Variants in NR5A2 observed in about 807,000 individuals in gnomAD.
The protein encoded by NR5A2 is CYP7A promoter-binding factor.
In NR5A2, 26 loss-of-function variants were observed where a neutral mutation model predicts 62.7. The observed-to-expected ratio is 0.41, with a 90% CI of 0.30 to 0.58. NR5A2 has a LOEUF of 0.58. Among genes scored for constraint, NR5A2 ranks in the 20% least tolerant of loss-of-function variants. The probability of loss-of-function intolerance (pLI) is 0.22; values close to 1 mark genes in which losing one functional copy is unlikely to be tolerated. For synonymous variants in NR5A2, 246 were observed against 241.7 expected (o/e 1.02, Z -0.16); for missense variants, 541 against 669.1 (o/e 0.81, Z 2.11).
intron 7 of NR5A2, among the ~76,000 whole-genome samples, chr1:200,126,024 T>G (rs1666684849): frequency 6.6e-6 from 1 of 152,090 alleles, no homozygotes; most frequent in African/African-American, 2.4e-5. Context: ...TTTTTTAATT[T>G]TTTTATAGAG....
At chr1:200,170,503 A>T (rs1349836276) in intron 7 of NR5A2, among the ~76,000 whole-genome samples, 1 of 152,204 alleles carries the variant, frequency 6.6e-6, no homozygotes, top group Non-Finnish European at 1.5e-5. Context: ...TGAAAATTCC[A>T]GGTCTTCTGG....
chr1:200,174,918 T>C lies in NR5A2; in HGVS notation c.*708T>C, dbSNP rs373827638. 6.5e-6 allele frequency: 1 copy of C among 152,678 alleles called. No homozygotes were observed. Among genetic ancestry groups the C allele is most frequent in the Non-Finnish European group, 1.5e-5 (1 of 68,046 alleles). The allele number at this position is 152,678 out of a possible 1,614,324, so 9.5% of individuals were successfully genotyped here. On this transcript the variant is annotated 3_prime_UTR_variant, in exon 8 of 8. Transcript: ENST00000367362. Reference sequence around the variant, plus strand: ...GGGTTGTTTTGTCTCGTGTTCATGATGTTAAGAAAATGCAGGCAGTATCCC... The same window carrying C: ...GGGTTGTTTTGTCTCGTGTTCATGACGTTAAGAAAATGCAGGCAGTATCCC...
chr1:200,167,208 C>T (rs1653942453), intron 7 of NR5A2, among the ~76,000 whole-genome samples: 1 of 152,116 alleles, frequency 6.6e-6, no homozygotes, highest in African/African-American at 2.4e-5. Context: ...CATCTTCACC[C>T]AATATTCCAT....
chr1:200,054,299 CTT>C (rs1662808703), intron 5 of NR5A2: 2 of 151,842 alleles, frequency 1.3e-5, no homozygotes, highest in Non-Finnish European at 1.5e-5. Flanking sequence ...TAATTCGAGA[CTT>C]TTGTATTCTG....
intron 6 of NR5A2, among the ~76,000 whole-genome samples, chr1:200,116,116 A>C (rs570986308): frequency 3.8e-4 from 58 of 152,296 alleles, no homozygotes; most frequent in Non-Finnish European, 6.5e-4. Flanking sequence ...AGGAATATTA[A>C]ATATGCCTCA....
At chr1:200,171,298 T>C (rs2816935) in intron 7 of NR5A2, among the ~76,000 whole-genome samples, 60,143 of 151,752 alleles carry the variant, frequency 0.4, 12,004 homozygotes, top group South Asian at 0.48. Context: ...GATAATTAAC[T>C]CAGGCATGTG....
chr1:200,032,949 G>A (rs1033530388), intron 1 of NR5A2, among the ~76,000 whole-genome samples: 9 of 152,148 alleles, frequency 5.9e-5, no homozygotes, highest in African/African-American at 1.9e-4. Context: ...TGGACATTTC[G>A]AGCTTAAGAA....
intron 1 of NR5A2, among the ~76,000 whole-genome samples, chr1:200,036,716 G>T (rs1269196068): frequency 2.0e-5 from 3 of 152,114 alleles, no homozygotes; most frequent in South Asian, 2.1e-4. Context: ...GTTTCCCATC[G>T]TCGAGTTAAA....
chr1:200,174,039 A>G lies in NR5A2; in HGVS notation c.1455A>G (p.Thr485=). Reference sequence around the variant, plus strand: ...TCAATGCCGCCCTGCTGGACTACACAATGTGTAACTACCCGCAGCAGACAG... The same window carrying G: ...TCAATGCCGCCCTGCTGGACTACACGATGTGTAACTACCCGCAGCAGACAG... ...EQVNAALLDY[T]MCNYPQQTEK... is the part of the protein sequence containing the mutation. Residue 485 remains threonine, a synonymous_variant, in exon 8 of 8, where the codon ACA becomes ACG. Transcript: ENST00000367362. The G allele has an allele frequency of 6.2e-7, 1 of 1,612,610 alleles. No individual in the cohort carries two copies. The highest frequency in any genetic ancestry group is 8.5e-7 in the Non-Finnish European group (1 of 1,179,580).
chr1:200,065,864 T>C (rs1230929522), intron 5 of NR5A2, among the ~76,000 whole-genome samples: 3 of 152,076 alleles, frequency 2.0e-5, no homozygotes, highest in African/African-American at 4.8e-5. Flanking sequence ...GAATAGCATA[T>C]GCAAAAATCC....
chr1:200,059,968 G>A (rs145147803), intron 5 of NR5A2, among the ~76,000 whole-genome samples: 1 of 152,218 alleles, frequency 6.6e-6, no homozygotes, highest in Non-Finnish European at 1.5e-5. Flanking sequence ...ACCTAACCCA[G>A]CAGTTAGGTA....
chr1:200,052,207 C>T (rs1571718215), intron 5 of NR5A2, among the ~76,000 whole-genome samples: 1 of 152,166 alleles, frequency 6.6e-6, no homozygotes, highest in African/African-American at 2.4e-5. Context: ...AGGATAATAA[C>T]TCCGGAAAAA....
At chr1:200,148,199 G>C in intron 7 of NR5A2, 1 of 267,672 alleles carries the variant, frequency 3.7e-6, no homozygotes, top group Non-Finnish European at 7.1e-6. Flanking sequence ...CTGTCCGTTG[G>C]GCCTATCAGC....
At chr1:200,148,651 GA>G (rs976507541) in intron 7 of NR5A2, among the ~76,000 whole-genome samples, 7 of 152,198 alleles carry the variant, frequency 4.6e-5, no homozygotes, top group East Asian at 1.9e-4. Flanking sequence ...AAATTTGAGG[GA>G]AAAAAACTTT....
intron 5 of NR5A2, among the ~76,000 whole-genome samples, chr1:200,059,580 C>T (rs930036707): frequency 2.0e-5 from 3 of 152,164 alleles, no homozygotes; most frequent in African/African-American, 7.2e-5. Flanking sequence ...CCTGAGCCCC[C>T]TGTTCCCTGT....
chr1:200,058,681 G>T (rs559243156), intron 5 of NR5A2, among the ~76,000 whole-genome samples: 1 of 141,120 alleles, frequency 7.1e-6, no homozygotes, highest in Non-Finnish European at 1.5e-5. Context: ...GTTTCACCAC[G>T]TTGGCCAGGC....
At chr1:200,109,441 A>G (rs1048135729) in intron 5 of NR5A2, among the ~76,000 whole-genome samples, 2 of 152,178 alleles carry the variant, frequency 1.3e-5, no homozygotes, top group South Asian at 2.1e-4. Flanking sequence ...GACTTGCCCC[A>G]TATATTTTTA....
intron 1 of NR5A2, among the ~76,000 whole-genome samples, chr1:200,030,441 T>G (rs1041848169): frequency 2.6e-5 from 4 of 152,174 alleles, no homozygotes; most frequent in South Asian, 4.1e-4. Context: ...AGATAATCAT[T>G]CATTGTAGTG....
chr1:200,047,215 G>A (rs1048081123), intron 4 of NR5A2, among the ~76,000 whole-genome samples: 3 of 152,134 alleles, frequency 2.0e-5, no homozygotes, highest in African/African-American at 4.8e-5. Flanking sequence ...CACCACTGTC[G>A]CAGAAGACTC....
Sources: gnomAD v4.1 joint callset for allele counts (sites outside exome capture counted in the v4.1 genomes callset) on GRCh38, gnomAD v4.1.1 for gene constraint, MANE v1.5 for transcripts, NCBI Gene and HGNC (gene_info 2026-07-23, HGNC 2026-07-21) for gene names.